FMNL2: variants seen among roughly 807,000 people sequenced by gnomAD.
The protein encoded by FMNL2 is formin-like protein 2.
In FMNL2, 51 loss-of-function variants were observed where a neutral mutation model predicts 130.2. The observed-to-expected ratio is 0.39, with a 90% confidence interval of 0.31 to 0.49. The LOEUF is 0.49. Ranked by LOEUF, FMNL2 falls within the 20% of genes least tolerant of loss-of-function variation. FMNL2 has a pLI of 0.85. For missense variants in FMNL2, 977 were observed against 1,316.2 expected (o/e 0.74, Z 3.99); for synonymous variants, 465 against 467.1 (o/e 1.00, Z 0.06).
chr2:152,350,316 C>T (rs1682405038), intron 1 of FMNL2, among the ~76,000 whole-genome samples: 1 of 152,158 alleles, frequency 6.6e-6, no homozygotes, highest in Non-Finnish European at 1.5e-5. Flanking sequence ...CAGCTTCAGA[C>T]CTTGCCCATG....
intron 9 of FMNL2, among the ~76,000 whole-genome samples, chr2:152,599,094 T>G (rs1248439704): frequency 6.6e-6 from 1 of 152,202 alleles, no homozygotes; most frequent in Non-Finnish European, 1.5e-5. Context: ...TTGTTCTGTT[T>G]GGGCCCTCAG....
intron 25 of FMNL2, among the ~76,000 whole-genome samples, chr2:152,641,317 G>T (rs1157739234): frequency 2.6e-5 from 4 of 152,192 alleles, no homozygotes; most frequent in African/African-American, 9.6e-5. Context: ...CAAAGTAACT[G>T]AAGTCAGTAG....
chr2:152,607,130 A>G (rs778273433), intron 9 of FMNL2, among the ~76,000 whole-genome samples: 1 of 152,128 alleles, frequency 6.6e-6, no homozygotes, highest in Non-Finnish European at 1.5e-5. Flanking sequence ...CAAAATATCA[A>G]GAGAATCTGG....
At chr2:152,623,161 G>C (rs1476179667) in intron 15 of FMNL2, among the ~76,000 whole-genome samples, 1 of 152,158 alleles carries the variant, frequency 6.6e-6, no homozygotes, top group South Asian at 2.1e-4. Context: ...TCTAGCGAGC[G>C]TCATGAGCCT....
intron 1 of FMNL2, among the ~76,000 whole-genome samples, chr2:152,407,317 T>C (rs745704818): frequency 4.6e-5 from 7 of 152,160 alleles, no homozygotes; most frequent in Non-Finnish European, 8.8e-5. Flanking sequence ...GAGTTACTAT[T>C]AGCAGATGCT....
intron 9 of FMNL2, among the ~76,000 whole-genome samples, chr2:152,591,275 C>G (rs1156252498): frequency 5.3e-5 from 8 of 152,020 alleles, no homozygotes; most frequent in Admixed American, 5.2e-4. Context: ...TCCCAAAGTG[C>G]TAGGATTACA....
At chr2:152,435,022 G>A (rs931455530) in intron 1 of FMNL2, among the ~76,000 whole-genome samples, 2 of 152,056 alleles carry the variant, frequency 1.3e-5, no homozygotes, top group South Asian at 2.1e-4. Flanking sequence ...GAGCTTTGGA[G>A]CATTGGTCAA....
chr2:152,436,107 G>A (rs1366244941), intron 1 of FMNL2, among the ~76,000 whole-genome samples: 2 of 151,246 alleles, frequency 1.3e-5, no homozygotes, highest in Admixed American at 1.3e-4. Flanking sequence ...ACGCGGTATT[G>A]CAATCCCGTG....
chr2:152,357,147 T>TTACATCAGTTTAATGTATCACGATAAAC (rs1682866024), intron 1 of FMNL2, among the ~76,000 whole-genome samples: 7 of 105,330 alleles, frequency 6.6e-5, no homozygotes, highest in Non-Finnish European at 1.3e-4. Flanking sequence ...TCACGATAAA[T>TTACATCAGTTTAATGTATCACGATAAAC]ATTACATCAG....
At position 152,607,506 on chromosome 2, in the gene FMNL2, C is replaced by CACACAG. The variant is rs1491203656; in HGVS notation, c.951+94_951+95insCACAGA. On this transcript the variant is annotated intron_variant, in intron 10 of 25. Coordinates refer to ENST00000288670, the MANE Select transcript of FMNL2 (RefSeq NM_052905.4). ...ACACACACACACACACACACACACA[C>CACACAG]ATATTTATATTACAAAGGACAGGGA... 2.0e-3 allele frequency: 1,446 copies of CACACAG among 712,558 alleles called. 21 individuals are homozygous for CACACAG. The African/African-American group carries it at 0.026, about 13-fold the overall frequency. The allele number at this position is 712,558 out of a possible 1,614,324, so 44.1% of individuals were successfully genotyped here.
chr2:152,542,792 C>T lies in FMNL2; in HGVS notation c.255C>T (p.Gly85=). The change falls in exon 3 of 26, where the codon GGC becomes GGT. Residue 85 remains glycine, a synonymous_variant. Coordinates refer to ENST00000288670, the MANE Select transcript of FMNL2 (RefSeq NM_052905.4). ...PPHTYIQKLK[G]YLDPAVTRKK... ...ATACATACATTCAAAAGCTCAAAGG[C>T]TATCTGGATCCAGCTGTAACCAGGA... 6.2e-7 allele frequency: 1 copy of T among 1,613,996 alleles called. No homozygotes were observed. Among genetic ancestry groups the T allele is most frequent in the Non-Finnish European group, 8.5e-7 (1 of 1,179,902 alleles).
intron 9 of FMNL2, among the ~76,000 whole-genome samples, chr2:152,602,477 C>T (rs1436270127): frequency 2.0e-5 from 3 of 152,166 alleles, no homozygotes; most frequent in Admixed American, 2.0e-4. Context: ...GGGCTCCTTG[C>T]CGCTCTGCTC....
intron 15 of FMNL2, among the ~76,000 whole-genome samples, chr2:152,623,193 T>C (rs904968043): frequency 6.6e-5 from 10 of 152,170 alleles, no homozygotes; most frequent in African/African-American, 2.4e-4. Flanking sequence ...GGGAGGAAGG[T>C]AGGACGCCAT....
chr2:152,626,898 A>G (rs548963389), intron 17 of FMNL2, among the ~76,000 whole-genome samples, 171 bp downstream of exon 17: 1 of 152,368 alleles, frequency 6.6e-6, no homozygotes, highest in East Asian at 1.9e-4. Context: ...TGCTACTTCA[A>G]AGTTGAATAT....
intron 2 of FMNL2, among the ~76,000 whole-genome samples, chr2:152,531,155 C>T (rs775185292): frequency 1.1e-4 from 16 of 152,070 alleles, no homozygotes; most frequent in Non-Finnish European, 2.2e-4. Flanking sequence ...GATATATGTA[C>T]CCATATTTTC....
intron 1 of FMNL2, among the ~76,000 whole-genome samples, chr2:152,428,083 A>G (rs1047578381): frequency 6.6e-6 from 1 of 152,164 alleles, no homozygotes; most frequent in African/African-American, 2.4e-5. Context: ...AAAAGGCAAC[A>G]CCTATTTAAA....
At chr2:152,363,000 A>C (rs1431219848) in intron 1 of FMNL2, among the ~76,000 whole-genome samples, 4 of 152,218 alleles carry the variant, frequency 2.6e-5, no homozygotes, top group Non-Finnish European at 5.9e-5. Context: ...ATATAGAGGG[A>C]AAGTAGATTA....
chr2:152,518,268 A>T (rs1385605059), intron 1 of FMNL2, among the ~76,000 whole-genome samples: 1 of 152,218 alleles, frequency 6.6e-6, no homozygotes, highest in Non-Finnish European at 1.5e-5. Context: ...TTATGGAATT[A>T]TTAAGCTGTA....
chr2:152,422,435 A>T (rs1686969565), intron 1 of FMNL2, among the ~76,000 whole-genome samples: 1 of 152,154 alleles, frequency 6.6e-6, no homozygotes, highest in Admixed American at 6.5e-5. Flanking sequence ...TGGTTGTCTC[A>T]TTCTTTTTTT....
Sources: gnomAD v4.1 joint callset for allele counts (sites outside exome capture counted in the v4.1 genomes callset) on GRCh38, gnomAD v4.1.1 for gene constraint, MANE v1.5 for transcripts, NCBI Gene and HGNC (gene_info 2026-07-23, HGNC 2026-07-21) for gene names.